FPR3: variants seen among roughly 807,000 people sequenced by gnomAD.
FPR3 encodes the protein N-formyl peptide receptor 3.
For synonymous variants in FPR3, 135 were observed against 163.6 expected, an observed-to-expected ratio of 0.83 and a Z score of 1.34; for missense variants, 346 against 443.2, an observed-to-expected ratio of 0.78 and a Z score of 1.97.
At chr19:51,796,823 G>A (rs1188079349) in intron 1 of FPR3, among the ~76,000 whole-genome samples, 1 of 152,194 alleles carries the variant, frequency 6.6e-6, no homozygotes, top group East Asian at 1.9e-4. Context: ...GAGTCTATGG[G>A]ACTCCCACGG....
At chr19:51,816,533 C>T (rs1380676547) in intron 1 of FPR3, among the ~76,000 whole-genome samples, 1 of 152,216 alleles carries the variant, frequency 6.6e-6, no homozygotes, top group Non-Finnish European at 1.5e-5. Flanking sequence ...CTGGCGTGAA[C>T]CACCATGCCT....
intron 1 of FPR3, among the ~76,000 whole-genome samples, chr19:51,822,867 T>A (rs1010038414): frequency 1.3e-5 from 2 of 151,726 alleles, no homozygotes; most frequent in Non-Finnish European, 2.9e-5. Context: ...TTTCTGCTCT[T>A]TTTTTTTGTG....
At chr19:51,821,002 T>C (rs2084184405) in intron 1 of FPR3, among the ~76,000 whole-genome samples, 1 of 152,208 alleles carries the variant, frequency 6.6e-6, no homozygotes, top group Non-Finnish European at 1.5e-5. Context: ...CTATGAGCAT[T>C]GTTCTTGTCC....
rs1367148156 is a variant in FPR3, at chr19:51,826,009, T to A, written c.*1199T>A. The A allele has an allele frequency of 6.0e-6, 1 of 166,440 alleles. No individual in the cohort carries two copies. The highest frequency in any genetic ancestry group is 1.5e-5 in the Non-Finnish European group (1 of 68,122). The allele number at this position is 166,440 out of a possible 1,614,324, so 10.3% of individuals were successfully genotyped here. On this transcript the variant is annotated 3_prime_UTR_variant, in exon 2 of 2. Coordinates refer to ENST00000339223, the MANE Select transcript of FPR3 (RefSeq NM_002030.5). Reference sequence around the variant, plus strand: ...TGAAGGTTTCTTCTATTCTTATTTGTTAAGAGTTTTCTTTTATTGTTTAAA... The same window carrying A: ...TGAAGGTTTCTTCTATTCTTATTTGATAAGAGTTTTCTTTTATTGTTTAAA...
intron 1 of FPR3, among the ~76,000 whole-genome samples, chr19:51,816,989 T>C (rs1312987639): frequency 6.6e-6 from 1 of 152,180 alleles, no homozygotes; most frequent in East Asian, 1.9e-4. Flanking sequence ...TTCATTTCCC[T>C]GAATCTCTGA....
intron 1 of FPR3, among the ~76,000 whole-genome samples, chr19:51,800,492 C>T (rs1361892407): frequency 3.3e-5 from 5 of 152,150 alleles, no homozygotes; most frequent in African/African-American, 9.7e-5. Flanking sequence ...GAGCATGGCC[C>T]GTTGCCTGGG....
intron 1 of FPR3, among the ~76,000 whole-genome samples, chr19:51,817,487 G>A (rs4802871): frequency 0.35 from 53,612 of 151,518 alleles, 10,357 homozygotes; most frequent in South Asian, 0.52. Context: ...AAGAAGTAAC[G>A]TAAGTAACCA....
At chr19:51,803,077 ATATT>A (rs1202913212) in intron 1 of FPR3, among the ~76,000 whole-genome samples, 1 of 145,364 alleles carries the variant, frequency 6.9e-6, no homozygotes, top group African/African-American at 2.5e-5. Flanking sequence ...TGTCACCTAG[ATATT>A]TAAGTGAGAA....
chr19:51,816,553 T>C (rs901445585), intron 1 of FPR3, among the ~76,000 whole-genome samples: 2 of 152,236 alleles, frequency 1.3e-5, no homozygotes, highest in Non-Finnish European at 2.9e-5. Flanking sequence ...TGGCCTAAGA[T>C]GTACTCTTTA....
At chr19:51,807,926 G>A (rs112868652) in intron 1 of FPR3, among the ~76,000 whole-genome samples, 8 of 152,316 alleles carry the variant, frequency 5.3e-5, no homozygotes, top group African/African-American at 1.7e-4. Flanking sequence ...GCAAGGTTTT[G>A]ACTGTTTGAT....
chr19:51,824,768 T>C lies in FPR3; in HGVS notation c.1020T>C (p.Thr340=), dbSNP rs1478111607. The change falls in exon 2 of 2, where the codon ACT becomes ACC. Residue 340 remains threonine, a synonymous_variant. Transcript: ENST00000339223. This position sits in a 1 kb window ranked among gnomAD's most constrained non-coding sequence, Gnocchi z 4.7. The part of the protein sequence containing the change: ...DSAQTSNTDT[T]SASPPEETEL... Reference sequence around the variant, plus strand: ...CCCAGACCAGCAACACAGACACCACTTCTGCTTCACCTCCTGAGGAGACGG... The same window carrying C: ...CCCAGACCAGCAACACAGACACCACCTCTGCTTCACCTCCTGAGGAGACGG... 1 of 1,613,838 alleles carries C rather than the reference T, an allele frequency of 6.2e-7. No homozygotes were observed. Among genetic ancestry groups the C allele is most frequent in the Non-Finnish European group, 8.5e-7 (1 of 1,179,884 alleles).
At chr19:51,796,459 C>A (rs1457270456) in intron 1 of FPR3, among the ~76,000 whole-genome samples, 1 of 152,128 alleles carries the variant, frequency 6.6e-6, no homozygotes, top group Non-Finnish European at 1.5e-5. Flanking sequence ...CTTATTGGAC[C>A]TTTTTAAAGC....
At chr19:51,802,698 T>G (rs2084032346) in intron 1 of FPR3, among the ~76,000 whole-genome samples, 1 of 152,248 alleles carries the variant, frequency 6.6e-6, no homozygotes, top group Non-Finnish European at 1.5e-5. Flanking sequence ...TAATGTTTGC[T>G]GTCACCTTTT....
chr19:51,797,223 G>A (rs1400225551), intron 1 of FPR3, among the ~76,000 whole-genome samples: 1 of 152,136 alleles, frequency 6.6e-6, no homozygotes, highest in Non-Finnish European at 1.5e-5. Flanking sequence ...TGCATTAGGT[G>A]GAGTGCTAAG....
At chr19:51,822,203 A>G (rs2084195011) in intron 1 of FPR3, among the ~76,000 whole-genome samples, 1 of 152,186 alleles carries the variant, frequency 6.6e-6, no homozygotes, top group African/African-American at 2.4e-5. Flanking sequence ...AAAGCAAGGA[A>G]ATAGATCCCA....
At chr19:51,800,150 C>A (rs1410656697) in intron 1 of FPR3, among the ~76,000 whole-genome samples, 1 of 152,178 alleles carries the variant, frequency 6.6e-6, no homozygotes, top group African/African-American at 2.4e-5. Context: ...CACCTGAGTC[C>A]CCAGGGCACC....
chr19:51,817,616 G>A (rs972980445), intron 1 of FPR3: 1 of 151,386 alleles, frequency 6.6e-6, no homozygotes, highest in African/African-American at 2.4e-5. Flanking sequence ...GCTTTCTTTA[G>A]CCCTCCTCTC....
chr19:51,824,110 T>C lies in FPR3; in HGVS notation c.362T>C (p.Leu121Pro). Reference sequence around the variant, plus strand: ...GTCTACCTGATCACCATCATTGCTCTGGACCGCTGTATTTGTGTCCTGCAT... The same window carrying C: ...GTCTACCTGATCACCATCATTGCTCCGGACCGCTGTATTTGTGTCCTGCAT... ...VSVYLITIIA[L>P]DRCICVLHPA... Residue 121 changes from leucine to proline, a missense_variant, in exon 2 of 2, where the codon CTG (leucine) becomes CCG (proline). Leu to Pro is a moderately conservative substitution (Grantham distance 98, BLOSUM62 -3). Transcript: ENST00000339223. This position sits in a 1 kb window ranked among gnomAD's most constrained non-coding sequence, Gnocchi z 4.7. The C allele has an allele frequency of 6.2e-7, 1 of 1,614,068 alleles. No individual in the cohort carries two copies. Among genetic ancestry groups the C allele is most frequent in the Non-Finnish European group, 8.5e-7 (1 of 1,179,942 alleles).
intron 1 of FPR3, among the ~76,000 whole-genome samples, chr19:51,809,945 G>GAAAT (rs775209224): frequency 1.2e-4 from 18 of 152,144 alleles, no homozygotes; most frequent in Non-Finnish European, 1.8e-4. Context: ...CCAGCAGGGG[G>GAAAT]GTGCCATTCT....
Sources: allele counts gnomAD v4.1 joint callset (sites outside exome capture counted in the v4.1 genomes callset), GRCh38; gene constraint gnomAD v4.1.1; non-coding constraint Gnocchi (gnomAD v3.1); transcripts MANE v1.5; gene names NCBI Gene and HGNC (gene_info 2026-07-23, HGNC 2026-07-21).